The following NAALADL2 variants were observed in gnomAD, a reference collection of about 807,000 sequenced individuals.
The protein encoded by NAALADL2 is N-acetylated alpha-linked acidic dipeptidase like 2.
Under a neutral mutation model 87.2 loss-of-function variants are expected in NAALADL2, and 76 were observed. The observed-to-expected ratio is 0.87, with a 90% CI of 0.72 to 1.05. The LOEUF (loss-of-function observed/expected upper bound fraction) is 1.05. Ranked by LOEUF, NAALADL2 falls within the 50% of genes least tolerant of loss-of-function variation. NAALADL2 has a pLI of 0.00. For missense variants in NAALADL2, 1,089 were observed against 945.8 expected (o/e 1.15, Z -1.99); for synonymous variants, 354 against 331.0 (o/e 1.07, Z -0.75).
At chr3:175,755,460 T>C in intron 13 of NAALADL2, 42 bp downstream of exon 13, 1 of 1,405,600 alleles carries the variant, frequency 7.1e-7, no homozygotes, top group Non-Finnish European at 9.6e-7. Flanking sequence ...TGCCCTACAT[T>C]AAATGTTTAT....
chr3:175,674,407 A>G (rs1039841249), intron 11 of NAALADL2, among the ~76,000 whole-genome samples: 3 of 151,620 alleles, frequency 2.0e-5, no homozygotes, highest in Non-Finnish European at 2.9e-5. Flanking sequence ...CTACGGATGC[A>G]CACCACCACC....
intron 5 of NAALADL2, among the ~76,000 whole-genome samples, chr3:175,376,519 T>C (rs910738388): frequency 1.3e-5 from 2 of 152,200 alleles, no homozygotes; most frequent in Admixed American, 6.5e-5. Flanking sequence ...GGAAAGCAAC[T>C]GTTTTATTCA....
intron 10 of NAALADL2, among the ~76,000 whole-genome samples, chr3:175,625,078 A>G (rs1319310560): frequency 1.3e-5 from 2 of 152,058 alleles, no homozygotes; most frequent in African/African-American, 4.8e-5. Context: ...TACTAAATCA[A>G]CCTAGATAGA....
rs2108376654 is a variant in NAALADL2, at chr3:175,806,450, T to C, written c.*3247T>C. On this transcript the variant is annotated 3_prime_UTR_variant, in exon 14 of 14. Transcript: ENST00000454872. ...ATTTCTGGATGTCTGTTACACACACTGAAGTTTAAGAATTTCCAATCTACG... is the reference window on the plus strand; with the variant it reads ...ATTTCTGGATGTCTGTTACACACACCGAAGTTTAAGAATTTCCAATCTACG... 6.6e-6 allele frequency: 1 copy of C among 152,046 alleles called. No individual in the cohort carries two copies. The highest frequency in any genetic ancestry group is 2.1e-4 in the South Asian group (1 of 4,824). 9.4% of individuals were successfully genotyped at this position (152,046 alleles called of 1,614,324 possible).
At chr3:175,016,594 A>G (rs896923332) in intron 1 of NAALADL2, among the ~76,000 whole-genome samples, 1 of 151,780 alleles carries the variant, frequency 6.6e-6, no homozygotes, top group African/African-American at 2.4e-5. Context: ...GTGTATATAC[A>G]TATACGCAAA....
chr3:175,547,416 A>T (rs1713537955), intron 9 of NAALADL2, among the ~76,000 whole-genome samples: 1 of 152,162 alleles, frequency 6.6e-6, no homozygotes, highest in Non-Finnish European at 1.5e-5. Flanking sequence ...AGCAAGATGG[A>T]TTAAAGGCTA....
At chr3:175,294,317 G>A (rs1560305370) in intron 4 of NAALADL2, among the ~76,000 whole-genome samples, 3 of 151,886 alleles carry the variant, frequency 2.0e-5, no homozygotes, top group African/African-American at 4.8e-5. Context: ...GCCAGCTATG[G>A]TGTATGATAC....
chr3:174,936,806 C>T lies in NAALADL2; in HGVS notation c.43+77356C>T, dbSNP rs369265099. ...AATAAATTTTATTGGAATACAGTCA[C>T]ACCTGGTTGCTATTTATTGTCTTTG... On this transcript the variant is annotated intron_variant, in intron 1 of 13. Transcript: ENST00000454872. 3.9e-5 allele frequency among the ~76,000 whole-genome samples: 6 copies of T among 152,228 alleles called. No homozygotes were observed. In the East Asian group the frequency reaches 1.2e-3, roughly 29 times the overall value.
chr3:175,399,175 C>T (rs1770230126), intron 5 of NAALADL2, among the ~76,000 whole-genome samples: 1 of 151,956 alleles, frequency 6.6e-6, no homozygotes, highest in Admixed American at 6.6e-5. Flanking sequence ...GATTAATTTT[C>T]TTAATTACTA....
chr3:175,716,041 T>G (rs1184587488), intron 11 of NAALADL2, among the ~76,000 whole-genome samples: 1 of 150,574 alleles, frequency 6.6e-6, no homozygotes, highest in Non-Finnish European at 1.5e-5. Flanking sequence ...CATGAACAAA[T>G]AGGCAAGACA....
intron 1 of NAALADL2, among the ~76,000 whole-genome samples, chr3:174,528,248 T>G (rs933766061): frequency 1.3e-5 from 2 of 152,238 alleles, no homozygotes; most frequent in Admixed American, 1.3e-4. Flanking sequence ...TTCATATATG[T>G]TAGTCTTTTC....
chr3:175,132,417 GTCTGT>G (rs1213947024), intron 2 of NAALADL2, among the ~76,000 whole-genome samples: 1 of 37,332 alleles, frequency 2.7e-5, no homozygotes, highest in Non-Finnish European at 4.6e-5. Flanking sequence ...TCCCCGACGG[GTCTGT>G]TGGCCGGGTG....
chr3:175,791,099 A>G (rs571354855), intron 13 of NAALADL2, among the ~76,000 whole-genome samples: 54 of 152,316 alleles, frequency 3.5e-4, no homozygotes, highest in African/African-American at 1.2e-3. Flanking sequence ...TCTCATGCAC[A>G]TTAAATTTGG....
rs151209011 is a variant in NAALADL2, at chr3:174,692,753, A to C, written c.-114-44888A>C. ...CCTGACACATAAGAAACCAATAACA[A>C]ACTTGGCTATGTGTTGTTTATATTT... is the stretch of plus-strand genomic sequence containing the variant. On this transcript the variant is annotated intron_variant, in intron 2 of 3. Transcript: ENST00000434257. Among the ~76,000 whole-genome samples the C allele has an allele frequency of 3.3e-5, 5 of 152,184 alleles. No homozygotes were observed. The East Asian group carries it at 9.8e-4, about 30-fold the overall frequency.
chr3:175,020,899 G>C (rs1751471164), intron 1 of NAALADL2, among the ~76,000 whole-genome samples: 1 of 152,034 alleles, frequency 6.6e-6, no homozygotes, highest in South Asian at 2.1e-4. Context: ...CTCCAGCAAA[G>C]ATATTAGCAT....
At chr3:174,623,637 T>C (rs1410400748) in intron 2 of NAALADL2, among the ~76,000 whole-genome samples, 1 of 138,952 alleles carries the variant, frequency 7.2e-6, no homozygotes, top group Non-Finnish European at 1.6e-5. Flanking sequence ...GCAAAACATT[T>C]TGCAATGTAT....
intron 2 of NAALADL2, among the ~76,000 whole-genome samples, chr3:174,557,661 A>G (rs1472138588): frequency 2.0e-5 from 3 of 152,062 alleles, no homozygotes; most frequent in Non-Finnish European, 4.4e-5. Context: ...TTTTAACATC[A>G]TGAGGTAGTC....
At chr3:175,452,611 A>T (rs1396990981) in intron 6 of NAALADL2, among the ~76,000 whole-genome samples, 1 of 152,022 alleles carries the variant, frequency 6.6e-6, no homozygotes, top group Non-Finnish European at 1.5e-5. Flanking sequence ...GGGAGCTAGA[A>T]CTCTTTACGA....
intron 11 of NAALADL2, among the ~76,000 whole-genome samples, chr3:175,699,603 A>C (rs1407528169): frequency 6.6e-6 from 1 of 152,018 alleles, no homozygotes; most frequent in East Asian, 1.9e-4. Flanking sequence ...TTCTCAACTT[A>C]GGTCTATCAC....
Sources: gnomAD v4.1 joint callset for allele counts (sites outside exome capture counted in the v4.1 genomes callset) on GRCh38, gnomAD v4.1.1 for gene constraint, MANE v1.5 for transcripts, NCBI Gene and HGNC (gene_info 2026-07-23, HGNC 2026-07-21) for gene names.